Variants in TUSC3 observed in about 807,000 individuals in gnomAD.
TUSC3 encodes dolichyl-diphosphooligosaccharide--protein glycosyltransferase subunit TUSC3.
A neutral mutation model predicts 44.8 loss-of-function variants in TUSC3; 45 were observed. The ratio of observed to expected loss-of-function variants is 1.00; its 90% CI spans 0.79 to 1.29. TUSC3 has a LOEUF of 1.29. Ranked by LOEUF, TUSC3 falls within the 50% of genes most tolerant of loss-of-function variation. TUSC3 has a pLI of 0.00. For synonymous variants in TUSC3, 212 were observed against 152.9 expected (o/e 1.39, Z -2.85); for missense variants, 519 against 437.9 (o/e 1.19, Z -1.65).
At chr8:15,731,014 G>A (rs186176653) in intron 7 of TUSC3, among the ~76,000 whole-genome samples, 52 of 151,974 alleles carry the variant, frequency 3.4e-4, no homozygotes, top group Middle Eastern at 6.8e-3. Context: ...TTTTTCAAGT[G>A]TATATGGCTT....
rs749923925 is a variant in TUSC3, at chr8:15,623,120, G to C, written c.179G>C (p.Ser60Thr). 3.4e-5 allele frequency: 55 copies of C among 1,613,774 alleles called. No individual in the cohort carries two copies. Among genetic ancestry groups the C allele is most frequent in the Non-Finnish European group, 4.1e-5 (48 of 1,179,894 alleles). ...AAAGTAGAGCAGCTGATGGAATGGA[G>C]TTCCAGACGCTCAATCTTCCGAATG... Reference protein sequence around the residue: ...AEKVEQLMEWSSRRSIFRMNG... With the variant: ...AEKVEQLMEWTSRRSIFRMNG... Residue 60 changes from serine (S) to threonine (T), a missense_variant, in exon 2 of 11, where the codon AGT becomes ACT. Transcript: ENST00000503731.
intron 7 of TUSC3, among the ~76,000 whole-genome samples, chr8:15,736,020 G>GC (rs1271039593): frequency 6.6e-6 from 1 of 151,940 alleles, no homozygotes; most frequent in Admixed American, 6.6e-5. Flanking sequence ...GAGCCACCAC[G>GC]CCCGGCGATA....
chr8:15,783,612 C>CT, the TUSC3 span, among the ~76,000 whole-genome samples: 1 of 152,042 alleles, frequency 6.6e-6, no homozygotes. Context: ...GTGTCAAGAA[C>CT]ACACAATAGA....
intron 1 of TUSC3, among the ~76,000 whole-genome samples, chr8:15,568,393 C>G (rs988510133): frequency 1.3e-5 from 2 of 152,060 alleles, no homozygotes; most frequent in Non-Finnish European, 2.9e-5. Flanking sequence ...CTGACAATAC[C>G]AGTTAAGTTC....
chr8:15,675,962 G>T (rs879926222), intron 6 of TUSC3, among the ~76,000 whole-genome samples: 7 of 152,028 alleles, frequency 4.6e-5, no homozygotes, highest in Non-Finnish European at 7.4e-5. Flanking sequence ...GCAATGGATC[G>T]CTGGGTCGAA....
the TUSC3 span, among the ~76,000 whole-genome samples, chr8:15,851,737 C>G: frequency 6.6e-6 from 1 of 152,200 alleles, no homozygotes; most frequent in Admixed American, 6.5e-5. Context: ...TTGCTGTTAG[C>G]ATTCCAGTAT....
chr8:15,600,442 A>G (rs550250526), intron 1 of TUSC3, among the ~76,000 whole-genome samples: 47 of 151,894 alleles, frequency 3.1e-4, no homozygotes, highest in African/African-American at 9.9e-4. Flanking sequence ...GAAAATTAGA[A>G]TTGGGTAGTG....
chr8:15,805,254 G>C, the TUSC3 span, among the ~76,000 whole-genome samples: 2 of 151,972 alleles, frequency 1.3e-5, no homozygotes, highest in Non-Finnish European at 2.9e-5. Flanking sequence ...GGTTTTCTAG[G>C]TATATAATCA....
In TUSC3 at chr8:15,502,552, G is replaced by A. The variant is rs143924610; in HGVS notation, n.189+19069G>A. On this transcript the variant is annotated intron_variant and non_coding_transcript_variant, in intron 2 of 5. Transcript: ENST00000503191. ...GTCGCCTGGGCTGGAGTGCAGTGGC[G>A]CGATCTCCGCTCACTGCAAGCTCCA... Among the ~76,000 whole-genome samples the A allele has an allele frequency of 1.0e-3, 155 of 152,236 alleles. 2 individuals are homozygous for A. In the East Asian group the frequency reaches 0.023, roughly 22 times the overall value.
intron 2 of TUSC3, among the ~76,000 whole-genome samples, chr8:15,632,960 A>G (rs946502965): frequency 1.3e-5 from 2 of 152,130 alleles, no homozygotes; most frequent in Admixed American, 1.3e-4. Flanking sequence ...ACTTTTTTCA[A>G]GGAGCCCTGG....
At chr8:15,512,944 A>ATATATATT (rs1554508697) in intron 2 of TUSC3, among the ~76,000 whole-genome samples, 1 of 136,030 alleles carries the variant, frequency 7.4e-6, no homozygotes, top group African/African-American at 3.1e-5. Context: ...ATATATATAT[A>ATATATATT]TATATATATA....
At chr8:15,555,295 T>G (rs1358572219) in intron 1 of TUSC3, among the ~76,000 whole-genome samples, 2 of 123,102 alleles carry the variant, frequency 1.6e-5, no homozygotes, top group Non-Finnish European at 3.4e-5. Flanking sequence ...TTTTTTTTTT[T>G]TTTTTTTTTT....
At chr8:15,552,332 A>G (rs373331438) in intron 1 of TUSC3, among the ~76,000 whole-genome samples, 7 of 151,738 alleles carry the variant, frequency 4.6e-5, no homozygotes, top group Non-Finnish European at 1.0e-4. Flanking sequence ...TTAGGTAGGT[A>G]CAGTGCTGGA....
At chr8:15,537,018 A>C (rs1041647745), upstream of TUSC3, among the ~76,000 whole-genome samples, 1 of 152,176 alleles carries the variant, frequency 6.6e-6, no homozygotes, top group African/African-American at 2.4e-5. Context: ...GGAAAAATCC[A>C]CATTCTATAC....
Position 15,585,123 on chromosome 8 carries a change from T to C in TUSC3, c.139-37957T>C, listed in dbSNP as rs540611877. Among the ~76,000 whole-genome samples, 4 of 152,164 alleles carry C rather than the reference T, an allele frequency of 2.6e-5. No individual in the cohort carries two copies. In the South Asian group the frequency reaches 6.2e-4, roughly 24 times the overall value. On this transcript the variant is annotated intron_variant, in intron 1 of 10. Transcript: ENST00000503731. ...AAGGCTACTGCTACTATGTTAGAAA[T>C]GAAGAGAAGGGGATAGAGTAAAAAA...
intron 10 of TUSC3, 56 bp downstream of exon 10, chr8:15,757,911 A>G (rs1811999794): frequency 6.9e-7 from 1 of 1,447,536 alleles, no homozygotes; most frequent in African/African-American, 1.4e-5. Flanking sequence ...AAATATAGAG[A>G]GTATAACATT....
intron 1 of TUSC3, among the ~76,000 whole-genome samples, chr8:15,463,409 TGTG>T (rs914061621): frequency 2.6e-5 from 4 of 152,130 alleles, no homozygotes; most frequent in South Asian, 2.1e-4. Context: ...ATTATTATGT[TGTG>T]GTCAAAATTA....
intron 1 of TUSC3, among the ~76,000 whole-genome samples, chr8:15,597,453 C>T (rs879489877): frequency 6.6e-6 from 1 of 152,056 alleles, no homozygotes; most frequent in East Asian, 1.9e-4. Flanking sequence ...TTATTGAGAA[C>T]ATTGATGTAT....
the TUSC3 span, among the ~76,000 whole-genome samples, chr8:15,771,925 A>G: frequency 1.3e-5 from 2 of 151,770 alleles, no homozygotes; most frequent in Non-Finnish European, 2.9e-5. Flanking sequence ...CATCTCTACT[A>G]AAAAATACAA....
Sources: gnomAD v4.1 joint callset for allele counts (sites outside exome capture counted in the v4.1 genomes callset) on GRCh38, gnomAD v4.1.1 for gene constraint, MANE v1.5 for transcripts, NCBI Gene and HGNC (gene_info 2026-07-23, HGNC 2026-07-21) for gene names.